Variants in CDKL3 observed in about 807,000 individuals in gnomAD.
CDKL3 encodes cyclin dependent kinase like 3.
A neutral mutation model predicts 69.3 loss-of-function variants in CDKL3; 65 were observed. The observed-to-expected ratio is 0.94, with a 90% CI of 0.77 to 1.15. The LOEUF is 1.15. CDKL3 is among the 50% of genes most tolerant of loss of function. The probability of loss-of-function intolerance (pLI) is 0.00; values close to 1 mark genes in which losing one functional copy is unlikely to be tolerated. For missense variants in CDKL3, 652 were observed against 689.2 expected (o/e 0.95, Z 0.61); for synonymous variants, 202 against 221.6 (o/e 0.91, Z 0.79).
intron 3 of CDKL3, among the ~76,000 whole-genome samples, chr5:134,358,664 G>A (rs1755228622): frequency 6.6e-6 from 1 of 151,544 alleles, no homozygotes; most frequent in Non-Finnish European, 1.5e-5. Flanking sequence ...GGATGCAGTG[G>A]TGCAATCATA....
chr5:134,360,013 T>C lies in CDKL3; in HGVS notation c.244A>G (p.Ile82Val). 1 of 1,559,148 alleles carries C rather than the reference T, an allele frequency of 6.4e-7. No homozygotes were observed. The highest frequency in any genetic ancestry group is 1.2e-5 in the South Asian group (1 of 84,350). ...AACTCATCTAATACTGTGTGGTCAA[T>C]AAATTCAAATACCAAATGAATTTTC... The part of the protein sequence containing the change: ...KKKIHLVFEF[I>V]DHTVLDELQH... Residue 82 changes from isoleucine to valine, a missense_variant, in exon 3 of 13, where the codon ATT (isoleucine) becomes GTT (valine). Coordinates refer to ENST00000265334, the MANE Select transcript of CDKL3 (RefSeq NM_001113575.2).
chr5:134,298,807 T>A (rs1400989915), intron 12 of CDKL3, 97 bp from the exon 13 acceptor site: 11 of 1,472,902 alleles, frequency 7.5e-6, no homozygotes, highest in Non-Finnish European at 1.0e-5. Flanking sequence ...ACATGTAAAT[T>A]ACTAAATTAT....
intron 4 of CDKL3, among the ~76,000 whole-genome samples, chr5:134,331,274 T>C (rs1403342872): frequency 6.6e-6 from 1 of 152,208 alleles, no homozygotes; most frequent in African/African-American, 2.4e-5. Context: ...GCTTCATTTT[T>C]AACATCCTTT....
chr5:134,369,937 G>C (rs1758173002), upstream of CDKL3, among the ~76,000 whole-genome samples: 1 of 152,104 alleles, frequency 6.6e-6, no homozygotes, highest in African/African-American at 2.4e-5. Context: ...GAAGGGTTAG[G>C]ACTGCAATGG....
chr5:134,301,758 G>A (rs1766405851), intron 12 of CDKL3, among the ~76,000 whole-genome samples: 1 of 152,008 alleles, frequency 6.6e-6, no homozygotes, highest in African/African-American at 2.4e-5. Context: ...GTGGTGGCGT[G>A]TGCCTGTAGT....
chr5:134,353,320 T>C (rs1297751038), intron 3 of CDKL3, among the ~76,000 whole-genome samples: 1 of 152,140 alleles, frequency 6.6e-6, no homozygotes, highest in Non-Finnish European at 1.5e-5. Context: ...TTCCAGTGAA[T>C]GGAACCACCA....
chr5:134,334,051 G>T (rs571209396), intron 4 of CDKL3, among the ~76,000 whole-genome samples: 1 of 152,278 alleles, frequency 6.6e-6, no homozygotes, highest in African/African-American at 2.4e-5. Context: ...GAGTGTATAT[G>T]TCCAGGAATT....
intron 4 of CDKL3, among the ~76,000 whole-genome samples, chr5:134,343,461 G>A (rs1751036369): frequency 6.6e-6 from 1 of 152,166 alleles, no homozygotes; most frequent in Non-Finnish European, 1.5e-5. Context: ...CACAAAGACA[G>A]TAACAACCCT....
intron 3 of CDKL3, among the ~76,000 whole-genome samples, chr5:134,351,943 A>C (rs1753411123): frequency 1.3e-5 from 2 of 152,240 alleles, no homozygotes; most frequent in South Asian, 4.1e-4. Context: ...TCAAGAATAC[A>C]ATCATTGTTA....
At chr5:134,367,225 T>C, upstream of CDKL3, 1 of 985,140 alleles carries the variant, frequency 1.0e-6, no homozygotes, top group Non-Finnish European at 1.2e-6. Flanking sequence ...GAAGGGGAAG[T>C]GGGAAGAAAC....
In CDKL3 at chr5:134,320,887, T is replaced by A. The variant is rs963050862; in HGVS notation, c.652+904A>T. 6.7e-5 allele frequency among the ~76,000 whole-genome samples: 10 copies of A among 150,038 alleles called. No individual in the cohort carries two copies. The East Asian group carries it at 1.6e-3, about 24-fold the overall frequency. On this transcript the variant is annotated intron_variant, in intron 5 of 12. Coordinates refer to ENST00000265334, the MANE Select transcript of CDKL3 (RefSeq NM_001113575.2). ...AGACTCCCTCTCAAAAAAAAAAAAA[T>A]TAAATTTAAAATTTAAAAAACCCAC...
chr5:134,290,689 T>A (rs1187219597), intron 8 of CDKL3, among the ~76,000 whole-genome samples: 1 of 152,100 alleles, frequency 6.6e-6, no homozygotes, highest in Non-Finnish European at 1.5e-5. Flanking sequence ...TGACATCATC[T>A]GATTTAAGTT....
chr5:134,320,267 C>T (rs749776837), intron 5 of CDKL3, among the ~76,000 whole-genome samples: 47 of 152,120 alleles, frequency 3.1e-4, no homozygotes, highest in Non-Finnish European at 5.7e-4. Flanking sequence ...CAAATTTATG[C>T]ATATCTTCCC....
intron 4 of CDKL3, among the ~76,000 whole-genome samples, chr5:134,346,679 A>G (rs890252895): frequency 3.9e-5 from 6 of 152,008 alleles, no homozygotes; most frequent in Admixed American, 3.3e-4. Context: ...TATTTTTAGT[A>G]GAGACGGGGT....
Position 134,367,144 on chromosome 5 carries a change from G to T in CDKL3, c.-189C>A. 2 of 985,666 alleles carry T rather than the reference G, an allele frequency of 2.0e-6. No individual in the cohort carries two copies. Among genetic ancestry groups the T allele is most frequent in the Non-Finnish European group, 2.4e-6 (2 of 830,136 alleles). 61.1% of individuals were successfully genotyped at this position (985,666 alleles called of 1,614,324 possible). A position where few individuals can be genotyped will look rare whatever the true frequency, so the allele number is the denominator to read the frequency against. The stretch of plus-strand genomic sequence containing the variant: ...CAAGGAACCGGCCACTTGCCACCAT[G>T]GAAACGCCGGCGGAGTTGCTGCGTT... On this transcript the variant is annotated 5_prime_UTR_variant, in exon 1 of 13. Coordinates refer to ENST00000265334, the MANE Select transcript of CDKL3 (RefSeq NM_001113575.2).
At chr5:134,348,597 G>GA (rs1425044019) in intron 4 of CDKL3, among the ~76,000 whole-genome samples, 1 of 152,068 alleles carries the variant, frequency 6.6e-6, no homozygotes, top group East Asian at 1.9e-4. Flanking sequence ...AAGAGCTAGA[G>GA]AAAGAACTAG....
At chr5:134,296,354 G>C (rs1248468473), downstream of CDKL3, among the ~76,000 whole-genome samples, 2 of 152,304 alleles carry the variant, frequency 1.3e-5, no homozygotes, top group Admixed American at 6.5e-5. Flanking sequence ...AAGAGGAAAA[G>C]AGCAGGTTGG....
chr5:134,371,406 A>AGCGGCGGAGGGCGGAGGGATCCGGAG (rs1318387417), upstream of CDKL3: 175 of 731,990 alleles, frequency 2.4e-4, no homozygotes, highest in Admixed American at 6.1e-4. Context: ...ACACTGTGGT[A>AGCGGCGGAGGGCGGAGGGATCCGGAG]GCGGCGGAGG....
At chr5:134,304,703 G>C (rs142313699) in intron 10 of CDKL3, 136 bp from the exon 11 acceptor site, 164 of 543,030 alleles carry the variant, frequency 3.0e-4, no homozygotes, top group African/African-American at 2.9e-3. Flanking sequence ...ATTTAGAATA[G>C]AACACTATTG....
Sources: allele counts gnomAD v4.1 joint callset (sites outside exome capture counted in the v4.1 genomes callset), GRCh38; gene constraint gnomAD v4.1.1; transcripts MANE v1.5; gene names NCBI Gene and HGNC (gene_info 2026-07-23, HGNC 2026-07-21).